ADAMTSL3: variants seen among roughly 807,000 people sequenced by gnomAD.
The protein encoded by ADAMTSL3 is ADAMTS-like protein 3.
Under a neutral mutation model 201.7 loss-of-function variants are expected in ADAMTSL3, and 128 were observed. That is an observed-to-expected ratio of 0.63 (90% CI 0.55 to 0.73). The LOEUF (loss-of-function observed/expected upper bound fraction) is 0.73. ADAMTSL3 is among the 30% of genes least tolerant of loss of function. ADAMTSL3 has a pLI of 0.00. For missense variants in ADAMTSL3, 1,990 were observed against 2,119.6 expected (o/e 0.94, Z 1.20); for synonymous variants, 738 against 748.4 (o/e 0.99, Z 0.23).
chr15:83,780,638 A>G (rs2063153654), intron 4 of ADAMTSL3, among the ~76,000 whole-genome samples: 1 of 152,162 alleles, frequency 6.6e-6, no homozygotes, highest in African/African-American at 2.4e-5. Context: ...GAAAGAAATA[A>G]AGATCATTTA....
intron 6 of ADAMTSL3, among the ~76,000 whole-genome samples, chr15:83,824,528 G>A (rs897077631): frequency 3.3e-5 from 5 of 152,116 alleles, no homozygotes; most frequent in African/African-American, 1.2e-4. Context: ...CACTCTTGGT[G>A]TTGTAAATTC....
chr15:83,770,501 A>G (rs2062963941), intron 3 of ADAMTSL3, among the ~76,000 whole-genome samples: 1 of 152,216 alleles, frequency 6.6e-6, no homozygotes, highest in South Asian at 2.1e-4. Context: ...GCCTATGCCT[A>G]TAGCTTTATC....
chr15:83,914,868 TG>T (rs147389798), intron 16 of ADAMTSL3, among the ~76,000 whole-genome samples: 16 of 100,934 alleles, frequency 1.6e-4, no homozygotes, highest in African/African-American at 1.3e-4. Flanking sequence ...TTTGTTTGTT[TG>T]TTTGTTTTTT....
chr15:83,819,825 T>A lies in ADAMTSL3; in HGVS notation c.378T>A (p.Asp126Glu), dbSNP rs142393908. 4.4e-4 allele frequency: 716 copies of A among 1,613,826 alleles called. No individual in the cohort carries two copies. The highest frequency in any genetic ancestry group is 6.3e-4 in the Admixed American group (38 of 60,014). Residue 126 changes from aspartate to glutamate, a missense_variant, in exon 6 of 30, where the codon GAT (aspartate) becomes GAA (glutamate). Coordinates refer to ENST00000286744, the MANE Select transcript of ADAMTSL3 (RefSeq NM_207517.3). ...KTCSNHDCPP[D>E]AEDFRAQQCS... ...TCTGCCCCCAGGACTGCCCTCCAGA[T>A]GCAGAAGATTTCAGAGCCCAGCAGT...
At chr15:83,942,558 T>C (rs1336133923) in intron 17 of ADAMTSL3, 38 bp from the exon 18 acceptor site, 4 of 1,589,484 alleles carry the variant, frequency 2.5e-6, no homozygotes, top group Non-Finnish European at 2.6e-6. Flanking sequence ...GTTGGTTTAT[T>C]GGACTGTTCA....
At chr15:83,917,457 A>ATG (rs770257433) in intron 16 of ADAMTSL3, among the ~76,000 whole-genome samples, 1 of 122,886 alleles carries the variant, frequency 8.1e-6, no homozygotes, top group Non-Finnish European at 1.8e-5. Flanking sequence ...GTATGTATGT[A>ATG]TATGTATGTA....
intron 7 of ADAMTSL3, among the ~76,000 whole-genome samples, chr15:83,842,943 C>A (rs1475116010): frequency 6.6e-6 from 1 of 152,162 alleles, no homozygotes; most frequent in African/African-American, 2.4e-5. Context: ...TGAGATAATT[C>A]TAATTGAACC....
intron 3 of ADAMTSL3, among the ~76,000 whole-genome samples, chr15:83,739,287 G>A (rs2062417155): frequency 1.3e-5 from 2 of 151,484 alleles, no homozygotes; most frequent in South Asian, 4.2e-4. Context: ...TAGAAAAATA[G>A]AATTTAGGGC....
intron 15 of ADAMTSL3, among the ~76,000 whole-genome samples, chr15:83,912,875 A>G (rs2065957298): frequency 6.6e-6 from 1 of 152,352 alleles, no homozygotes; most frequent in Non-Finnish European, 1.5e-5. Context: ...AAAGTAGAAT[A>G]TAGTTTAGTG....
chr15:83,869,820 G>C (rs2065048787), intron 8 of ADAMTSL3, among the ~76,000 whole-genome samples: 1 of 152,278 alleles, frequency 6.6e-6, no homozygotes, highest in African/African-American at 2.4e-5. Context: ...GGACCTGAGA[G>C]ATTGTCTGCT....
intron 8 of ADAMTSL3, among the ~76,000 whole-genome samples, chr15:83,866,136 T>C (rs1342674617): frequency 6.6e-6 from 1 of 152,174 alleles, no homozygotes; most frequent in Non-Finnish European, 1.5e-5. Flanking sequence ...TGTGGAGAAA[T>C]AGGAACACTT....
At chr15:83,758,929 G>T (rs1312232912) in intron 3 of ADAMTSL3, among the ~76,000 whole-genome samples, 1 of 152,056 alleles carries the variant, frequency 6.6e-6, no homozygotes, top group Non-Finnish European at 1.5e-5. Context: ...TTTTATTCTT[G>T]AATAGGGCTT....
intron 15 of ADAMTSL3, among the ~76,000 whole-genome samples, chr15:83,906,706 T>G (rs2065843277): frequency 1.3e-5 from 2 of 151,396 alleles, no homozygotes; most frequent in African/African-American, 4.9e-5. Context: ...ATTGAACTGT[T>G]TTGGTTTTTT....
At chr15:83,749,787 G>A (rs2062609414) in intron 3 of ADAMTSL3, among the ~76,000 whole-genome samples, 1 of 152,148 alleles carries the variant, frequency 6.6e-6, no homozygotes. Flanking sequence ...GAATAGGGTG[G>A]GTCTCGAAAA....
Position 83,913,149 on chromosome 15 carries a change from C to G in ADAMTSL3, c.1758C>G (p.Val586=). Residue 586 remains valine (V), a synonymous_variant, in exon 16 of 30, where the codon GTC becomes GTG. Coordinates refer to ENST00000286744, the MANE Select transcript of ADAMTSL3 (RefSeq NM_207517.3). ...CSTTCGPGVQ[V]REVKCRVLLT... is the part of the protein sequence containing the mutation. The stretch of plus-strand genomic sequence containing the variant: ...CCACGTGTGGGCCGGGTGTGCAGGT[C>G]CGTGAGGTGAAGTGCCGTGTGCTCC... 1 of 1,614,106 alleles carries G rather than the reference C, an allele frequency of 6.2e-7. No homozygotes were observed. Among genetic ancestry groups the G allele is most frequent in the Non-Finnish European group, 8.5e-7 (1 of 1,180,006 alleles).
At position 83,660,815 on chromosome 15, in the gene ADAMTSL3, G is replaced by A. The variant is rs200939536; in HGVS notation, c.69+4985G>A. On this transcript the variant is annotated intron_variant, in intron 2 of 29. Coordinates refer to ENST00000286744, the MANE Select transcript of ADAMTSL3 (RefSeq NM_207517.3). ...ATCCCATTTGTCAATTTTGTCTTTT[G>A]TTGCCATTGCTTTTGGTGTTTTGGA... Among the ~76,000 whole-genome samples, 2,544 of 151,800 alleles carry A rather than the reference G, an allele frequency of 0.017. 318 individuals carry two copies. In the East Asian group the frequency reaches 0.35, roughly 21 times the overall value.
intron 3 of ADAMTSL3, 124 bp downstream of exon 3, chr15:83,704,632 T>C: frequency 7.7e-7 from 1 of 1,299,188 alleles, no homozygotes. Context: ...AACAGACCCT[T>C]GACACCCTTG....
At chr15:83,992,808 A>G (rs1319931229) in intron 23 of ADAMTSL3, among the ~76,000 whole-genome samples, 1 of 152,192 alleles carries the variant, frequency 6.6e-6, no homozygotes, top group African/African-American at 2.4e-5. Flanking sequence ...CCAGTCAGAC[A>G]TGGGCTATCT....
Position 84,036,981 on chromosome 15 carries a change from T to C in ADAMTSL3, c.4963T>C (p.Cys1655Arg). 3 of 1,613,958 alleles carry C rather than the reference T, an allele frequency of 1.9e-6. No individual in the cohort carries two copies. Among genetic ancestry groups the C allele is most frequent in the Non-Finnish European group, 2.5e-6 (3 of 1,179,952 alleles). ...CTGGCGGCACTGTCTTGGGCCCTCC[T>C]GTGATAGTACGTACACCTCCCAGGT... Reference protein sequence around the residue: ...ISWRHCLGPSCDRDCTDTTHY... With the variant: ...ISWRHCLGPSRDRDCTDTTHY... The change falls in exon 29 of 30, where the codon TGT (cysteine) becomes CGT (arginine). Residue 1655 changes from cysteine to arginine, a missense_variant. Transcript: ENST00000286744.
Sources: gnomAD v4.1 joint callset for allele counts (sites outside exome capture counted in the v4.1 genomes callset) on GRCh38, gnomAD v4.1.1 for gene constraint, MANE v1.5 for transcripts, NCBI Gene and HGNC (gene_info 2026-07-23, HGNC 2026-07-21) for gene names.